Variants in RIMS1 observed in about 807,000 individuals in gnomAD.
RIMS1 encodes the protein regulating synaptic membrane exocytosis 1.
Under a neutral mutation model 214.1 loss-of-function variants are expected in RIMS1, and 83 were observed. That is an observed-to-expected ratio of 0.39 (90% CI 0.32 to 0.47). The LOEUF (loss-of-function observed/expected upper bound fraction) is 0.47. Among genes scored for constraint, RIMS1 ranks in the 20% least tolerant of loss-of-function variants. The pLI, the probability that RIMS1 is intolerant of heterozygous loss-of-function variation, is 0.99. For synonymous variants in RIMS1, 793 were observed against 786.8 expected (o/e 1.01, Z -0.13); for missense variants, 2,050 against 2,161.8 (o/e 0.95, Z 1.03).
chr6:72,109,624 G>A (rs992572090), intron 4 of RIMS1, among the ~76,000 whole-genome samples: 2 of 151,934 alleles, frequency 1.3e-5, no homozygotes, highest in Admixed American at 6.6e-5. Flanking sequence ...TGAGTAGGTT[G>A]AGAAAATTTT....
intron 2 of RIMS1, among the ~76,000 whole-genome samples, chr6:72,078,765 T>C (rs1005446534): frequency 5.9e-5 from 9 of 152,118 alleles, no homozygotes; most frequent in African/African-American, 2.2e-4. Flanking sequence ...CTACTTTCCA[T>C]ATCTAAATTT....
Position 72,392,740 on chromosome 6 carries a change from C to T in RIMS1, c.4548C>T (p.Phe1516=), listed in dbSNP as rs2815738. Residue 1516 remains phenylalanine, a synonymous_variant, in exon 31 of 34, where the codon TTC becomes TTT. Coordinates refer to ENST00000521978, the MANE Select transcript of RIMS1 (RefSeq NM_014989.7). ...PGVRLGADSQ[F]SDFLDGLGPA... ...TGCGACTGGGAGCTGACAGTCAATTCAGTGATTTTCTTGATGGATTGGGAC... is the reference window on the plus strand; with the variant it reads ...TGCGACTGGGAGCTGACAGTCAATTTAGTGATTTTCTTGATGGATTGGGAC... The T allele has an allele frequency of 0.23, 363,131 of 1,611,926 alleles. 43,479 individuals are homozygous for T. Among genetic ancestry groups the T allele is most frequent in the South Asian group, 0.3 (27,022 of 91,004 alleles).
At chr6:72,308,091 G>A (rs924952417) in intron 27 of RIMS1, among the ~76,000 whole-genome samples, 18 of 152,040 alleles carry the variant, frequency 1.2e-4, no homozygotes, top group African/African-American at 3.9e-4. Context: ...ATTTGTGAAT[G>A]ATAAAAATTA....
intron 29 of RIMS1, among the ~76,000 whole-genome samples, chr6:72,381,685 T>C (rs147024925): frequency 1.3e-5 from 2 of 152,354 alleles, no homozygotes; most frequent in South Asian, 2.1e-4. Context: ...AACAAAGTTA[T>C]GTTAGCTAAC....
At chr6:72,237,174 C>A (rs1377223781) in intron 8 of RIMS1, among the ~76,000 whole-genome samples, 1 of 150,918 alleles carries the variant, frequency 6.6e-6, no homozygotes, top group African/African-American at 2.4e-5. Context: ...TCAACACACT[C>A]CTCTGTGGGT....
intron 2 of RIMS1, among the ~76,000 whole-genome samples, chr6:72,091,881 C>T (rs1836323231): frequency 6.6e-6 from 1 of 152,102 alleles, no homozygotes; most frequent in Non-Finnish European, 1.5e-5. Context: ...ATTCTAAAAT[C>T]GAAGTGTACA....
At chr6:72,216,157 T>C (rs1438348468) in intron 6 of RIMS1, among the ~76,000 whole-genome samples, 1 of 152,202 alleles carries the variant, frequency 6.6e-6, no homozygotes, top group Non-Finnish European at 1.5e-5. Flanking sequence ...TCAAATCAAC[T>C]AATTTTGTTG....
chr6:72,187,739 A>C (rs771982684), intron 6 of RIMS1, among the ~76,000 whole-genome samples: 1 of 151,924 alleles, frequency 6.6e-6, no homozygotes, highest in African/African-American at 2.4e-5. Context: ...TGATCCGCCC[A>C]CCTCGGCCTC....
At chr6:71,963,845 T>C (rs1363576221) in intron 1 of RIMS1, among the ~76,000 whole-genome samples, 3 of 152,204 alleles carry the variant, frequency 2.0e-5, no homozygotes, top group African/African-American at 7.2e-5. Flanking sequence ...CATGTTAAAT[T>C]AGTTACTGAA....
At chr6:72,128,043 A>G (rs2039867886) in intron 4 of RIMS1, among the ~76,000 whole-genome samples, 1 of 152,188 alleles carries the variant, frequency 6.6e-6, no homozygotes, top group Non-Finnish European at 1.5e-5. Context: ...CCAAAGGGAA[A>G]ATAAGCTTCT....
intron 4 of RIMS1, among the ~76,000 whole-genome samples, chr6:72,171,364 A>G (rs2047006458): frequency 6.6e-6 from 1 of 150,870 alleles, no homozygotes; most frequent in South Asian, 2.1e-4. Flanking sequence ...GTGTGTATAT[A>G]TATATATGTG....
At chr6:71,939,201 C>T (rs1188914417) in intron 1 of RIMS1, among the ~76,000 whole-genome samples, 1 of 152,222 alleles carries the variant, frequency 6.6e-6, no homozygotes, top group East Asian at 1.9e-4. Context: ...TTAGTACCAT[C>T]TGCGATGTCA....
At chr6:72,001,196 A>G (rs1805100266) in intron 2 of RIMS1, among the ~76,000 whole-genome samples, 1 of 152,134 alleles carries the variant, frequency 6.6e-6, no homozygotes, top group Non-Finnish European at 1.5e-5. Context: ...CACACACTAC[A>G]TTTCCAGGCT....
chr6:72,131,510 T>C (rs2040433014), intron 4 of RIMS1, among the ~76,000 whole-genome samples: 2 of 152,042 alleles, frequency 1.3e-5, no homozygotes, highest in Admixed American at 6.6e-5. Context: ...AGCATGTTTT[T>C]ATTAGGGACT....
intron 2 of RIMS1, among the ~76,000 whole-genome samples, chr6:72,073,798 T>C (rs571787170): frequency 6.6e-6 from 1 of 152,192 alleles, no homozygotes; most frequent in Non-Finnish European, 1.5e-5. Context: ...GGTTCCCTCA[T>C]TGGTTAACTC....
In RIMS1 at chr6:72,313,534, G is replaced by T. The variant is rs1563928802; in HGVS notation, c.3992G>T (p.Ser1331Ile). ...AACATACATAAAGATCAGTACAGAA[G>T]CTGTGATAACGTCTCTGCCAAATCA... is the stretch of plus-strand genomic sequence containing the variant. ...KYNIHKDQYR[S>I]CDNVSAKSSD... The change falls in exon 28 of 34, where the codon AGC (serine) becomes ATC (isoleucine). Residue 1331 changes from serine (S) to isoleucine (I), a missense_variant. By Grantham distance (142) the Ser-to-Ile change is moderately radical. Coordinates refer to ENST00000521978, the MANE Select transcript of RIMS1 (RefSeq NM_014989.7). The T allele has an allele frequency of 6.2e-7, 1 of 1,613,632 alleles. No individual in the cohort carries two copies. The highest frequency in any genetic ancestry group is 8.5e-7 in the Non-Finnish European group (1 of 1,179,742).
At chr6:72,368,292 ATTTTTTTTTT>A (rs1168375463) in intron 29 of RIMS1, among the ~76,000 whole-genome samples, 4 of 79,112 alleles carry the variant, frequency 5.1e-5, no homozygotes, top group East Asian at 3.0e-4. Context: ...GTGTTGTCTG[ATTTTTTTTTT>A]TTTTTTTTTT....
At chr6:72,192,793 G>A (rs2050268643) in intron 6 of RIMS1, among the ~76,000 whole-genome samples, 1 of 152,176 alleles carries the variant, frequency 6.6e-6, no homozygotes. Context: ...GAAAGGCTAA[G>A]CCAGTCTAGT....
intron 19 of RIMS1, chr6:72,261,677 T>C: frequency 1.0e-6 from 1 of 985,260 alleles, no homozygotes; most frequent in Non-Finnish European, 1.2e-6. Flanking sequence ...ACCGCAGTAC[T>C]TGGGATGCAA....
Sources: allele counts gnomAD v4.1 joint callset (sites outside exome capture counted in the v4.1 genomes callset), GRCh38; gene constraint gnomAD v4.1.1; transcripts MANE v1.5; gene names NCBI Gene and HGNC (gene_info 2026-07-23, HGNC 2026-07-21).